CSTL1: variants seen among roughly 807,000 people sequenced by gnomAD.
CSTL1 encodes the protein cystatin-like 1.
A neutral mutation model predicts 14.4 loss-of-function variants in CSTL1; 14 were observed. The ratio of observed to expected loss-of-function variants is 0.97; its 90% confidence interval spans 0.64 to 1.52. The LOEUF (loss-of-function observed/expected upper bound fraction) is 1.52, where lower values mean the gene tolerates loss of function less well. CSTL1 is among the 40% of genes most tolerant of loss of function. The pLI is 0.00. For missense variants in CSTL1, 170 were observed against 168.7 expected, an observed-to-expected ratio of 1.01 and a Z score of -0.04; for synonymous variants, 72 against 67.5, an observed-to-expected ratio of 1.07 and a Z score of -0.33.
At chr20:23,454,378 AAC>A in the CSTL1 span, among the ~76,000 whole-genome samples, 1 of 151,734 alleles carries the variant, frequency 6.6e-6, no homozygotes, top group Non-Finnish European at 1.5e-5. Context: ...CTCACACTGA[AAC>A]ACACACACAA....
intron 2 of CSTL1, among the ~76,000 whole-genome samples, chr20:23,441,941 A>C (rs1986843563): frequency 6.6e-6 from 1 of 152,206 alleles, no homozygotes; most frequent in Admixed American, 6.5e-5. Flanking sequence ...ACCAGTCAGC[A>C]TAGGTCAAAT....
At chr20:23,456,883 CCTT>C in the CSTL1 span, among the ~76,000 whole-genome samples, 1 of 152,192 alleles carries the variant, frequency 6.6e-6, no homozygotes, top group Non-Finnish European at 1.5e-5. Context: ...CAGCATGTCT[CCTT>C]CTCTGACTCT....
At chr20:23,451,634 G>T in the CSTL1 span, among the ~76,000 whole-genome samples, 1 of 152,286 alleles carries the variant, frequency 6.6e-6, no homozygotes, top group East Asian at 1.9e-4. Context: ...AGCAACAAAG[G>T]AGCAGCATCT....
At chr20:23,452,453 T>C in the CSTL1 span, 3 of 684,774 alleles carry the variant, frequency 4.4e-6, no homozygotes, top group East Asian at 5.0e-5. Context: ...AGTGAATTTA[T>C]GCTTCTCTTA....
downstream of CSTL1, among the ~76,000 whole-genome samples, chr20:23,447,024 T>C (rs1379959470): frequency 6.6e-6 from 1 of 152,176 alleles, no homozygotes; most frequent in Non-Finnish European, 1.5e-5. Context: ...GTCCTGCAAA[T>C]CTAAGCTAAT....
At chr20:23,457,668 A>G in the CSTL1 span, 4 of 152,162 alleles carry the variant, frequency 2.6e-5, no homozygotes, top group Admixed American at 1.3e-4. Flanking sequence ...TGTAAATACC[A>G]TTGTACTTGC....
chr20:23,450,785 A>G, the CSTL1 span, among the ~76,000 whole-genome samples: 1 of 152,250 alleles, frequency 6.6e-6, no homozygotes, highest in Non-Finnish European at 1.5e-5. Flanking sequence ...AAATCAAAAT[A>G]AATATCAAAC....
At chr20:23,450,354 G>T in the CSTL1 span, 1 of 544,910 alleles carries the variant, frequency 1.8e-6, no homozygotes, top group Non-Finnish European at 3.1e-6. Context: ...ATTACTATGA[G>T]CTGAAGAATT....
At chr20:23,441,989 G>A (rs2123312234) in intron 2 of CSTL1, among the ~76,000 whole-genome samples, 1 of 152,354 alleles carries the variant, frequency 6.6e-6, no homozygotes, top group East Asian at 1.9e-4. Context: ...GGCTGGCTCA[G>A]TGAGGCACTT....
At chr20:23,445,054 C>A, downstream of CSTL1, 1 of 640,094 alleles carries the variant, frequency 1.6e-6, no homozygotes, top group Non-Finnish European at 2.8e-6. Flanking sequence ...ATACTCACGA[C>A]ACCCTCACAC....
At chr20:23,444,124 C>A (rs937574868) in intron 3 of CSTL1, 80 bp downstream of exon 3, 12 of 1,317,236 alleles carry the variant, frequency 9.1e-6, no homozygotes, top group Non-Finnish European at 1.2e-5. Flanking sequence ...GCAGTTTTGC[C>A]ACTTGTGTGG....
chr20:23,443,583 G>C (rs575253041), intron 2 of CSTL1, among the ~76,000 whole-genome samples: 1 of 152,244 alleles, frequency 6.6e-6, no homozygotes, highest in Non-Finnish European at 1.5e-5. Context: ...GTGGGGACAA[G>C]ATGCTGGCTC....
chr20:23,444,830 G>C lies in CSTL1; in HGVS notation c.390G>C (p.Trp130Cys), dbSNP rs1986930456. The C allele has an allele frequency of 1.9e-6, 3 of 1,613,932 alleles. No individual in the cohort carries two copies. In the African/African-American group the frequency reaches 4.0e-5, roughly 22 times the overall value. Reference protein sequence around the residue: ...TMPWINYFQLWNNSCLEAEHV... With the variant: ...TMPWINYFQLCNNSCLEAEHV... ...CCTGGATAAACTATTTCCAGCTCTGGAACAATTCCTGTCTGGAGGCCGAGC... is the reference window on the plus strand; with the variant it reads ...CCTGGATAAACTATTTCCAGCTCTGCAACAATTCCTGTCTGGAGGCCGAGC... Residue 130 changes from tryptophan (W) to cysteine (C), a missense_variant, in exon 4 of 4, where the codon TGG becomes TGC. Coordinates refer to ENST00000347397, the MANE Select transcript of CSTL1 (RefSeq NM_138283.1).
At chr20:23,452,606 C>CG in the CSTL1 span, 2 of 1,613,048 alleles carry the variant, frequency 1.2e-6, no homozygotes, top group South Asian at 2.2e-5. Flanking sequence ...TTTAAGGACT[C>CG]GGAAGATCCT....
chr20:23,440,512 T>C (rs368177699), intron 2 of CSTL1, 26 bp downstream of exon 2: 30 of 1,530,464 alleles, frequency 2.0e-5, no homozygotes, highest in Non-Finnish European at 2.6e-5. Flanking sequence ...TCCCAAGACA[T>C]CAGCAGGCCC....
At chr20:23,446,368 G>A (rs1167229448), downstream of CSTL1, among the ~76,000 whole-genome samples, 1 of 151,804 alleles carries the variant, frequency 6.6e-6, no homozygotes, top group Non-Finnish European at 1.5e-5. Context: ...CAATTCTTCT[G>A]CCTCAGCCTC....
chr20:23,456,128 T>G, the CSTL1 span, among the ~76,000 whole-genome samples: 1 of 152,220 alleles, frequency 6.6e-6, no homozygotes, highest in South Asian at 2.1e-4. Flanking sequence ...GGGAACAGGC[T>G]TCACTTGCAA....
rs1201787125 is a variant in CSTL1, at chr20:23,444,817, A to G, written c.377A>G (p.Tyr126Cys). Reference sequence around the variant, plus strand: ...ATATACACCATGCCCTGGATAAACTATTTCCAGCTCTGGAACAATTCCTGT... The same window carrying G: ...ATATACACCATGCCCTGGATAAACTGTTTCCAGCTCTGGAACAATTCCTGT... ...SLIYTMPWIN[Y>C]FQLWNNSCLE... The change falls in exon 4 of 4, where the codon TAT (tyrosine) becomes TGT (cysteine). Residue 126 changes from tyrosine to cysteine, a missense_variant. By Grantham distance (194) the Tyr-to-Cys change is radical. Transcript: ENST00000347397. 6.2e-7 allele frequency: 1 copy of G among 1,613,980 alleles called. No individual in the cohort carries two copies. The highest frequency in any genetic ancestry group is 8.5e-7 in the Non-Finnish European group (1 of 1,179,884).
At chr20:23,453,733 C>T in the CSTL1 span, among the ~76,000 whole-genome samples, 10 of 152,274 alleles carry the variant, frequency 6.6e-5, no homozygotes, top group South Asian at 1.9e-3. Context: ...CGGGGAGGAG[C>T]CCTGGGCACA....
Sources: allele counts gnomAD v4.1 joint callset (sites outside exome capture counted in the v4.1 genomes callset), GRCh38; gene constraint gnomAD v4.1.1; transcripts MANE v1.5; gene names NCBI Gene and HGNC (gene_info 2026-07-23, HGNC 2026-07-21).